The following ZNF804B variants were observed in gnomAD, a reference collection of about 807,000 sequenced individuals.
The protein encoded by ZNF804B is zinc finger 804B.
A neutral mutation model predicts 101.4 loss-of-function variants in ZNF804B; 80 were observed. That is an observed-to-expected ratio of 0.79 (90% CI 0.66 to 0.95). The LOEUF is 0.95. ZNF804B is among the 40% of genes least tolerant of loss of function. ZNF804B has a pLI of 0.00. For synonymous variants in ZNF804B, 622 were observed against 558.8 expected, an observed-to-expected ratio of 1.11 and a Z score of -1.59; for missense variants, 1,673 against 1,561.9, an observed-to-expected ratio of 1.07 and a Z score of -1.20.
chr7:89,315,555 T>A (rs1790711933), intron 2 of ZNF804B, among the ~76,000 whole-genome samples: 1 of 152,132 alleles, frequency 6.6e-6, no homozygotes, highest in East Asian at 1.9e-4. Flanking sequence ...TTGTTTTAGT[T>A]TTGTGCTTAT....
At chr7:89,330,998 A>G (rs1026103483) in intron 3 of ZNF804B, among the ~76,000 whole-genome samples, 2 of 150,678 alleles carry the variant, frequency 1.3e-5, no homozygotes, top group African/African-American at 4.8e-5. Context: ...TAAGAAAAGT[A>G]TATATATAAT....
chr7:88,963,288 C>A (rs1793413424), intron 1 of ZNF804B, among the ~76,000 whole-genome samples: 1 of 151,228 alleles, frequency 6.6e-6, no homozygotes, highest in Non-Finnish European at 1.5e-5. Context: ...TACAGTAATC[C>A]AAACAGTGTG....
At position 89,336,563 on chromosome 7, in the gene ZNF804B, C is replaced by T. The variant is rs376233863; in HGVS notation, c.3581C>T (p.Thr1194Ile). Residue 1194 changes from threonine to isoleucine, a missense_variant, in exon 4 of 4, where the codon ACC (threonine) becomes ATC (isoleucine). Coordinates refer to ENST00000333190, the MANE Select transcript of ZNF804B (RefSeq NM_181646.5). ...CCTACTGCCTTCTCTCCGGCCTCAACCGTACAGACAGTTCCAGTTCACCAG... is the reference window on the plus strand; with the variant it reads ...CCTACTGCCTTCTCTCCGGCCTCAATCGTACAGACAGTTCCAGTTCACCAG... ...AGPTAFSPAS[T>I]VQTVPVHQHT... 9 of 1,613,994 alleles carry T rather than the reference C, an allele frequency of 5.6e-6. No individual in the cohort carries two copies. The African/African-American group carries it at 6.7e-5, about 12-fold the overall frequency.
At chr7:88,795,826 G>A (rs978874226) in intron 1 of ZNF804B, 4 of 152,020 alleles carry the variant, frequency 2.6e-5, no homozygotes, top group Non-Finnish European at 2.9e-5. Flanking sequence ...TTCTTAATAC[G>A]GGTATCTCGA....
At chr7:89,120,816 G>GA (rs1391429071) in intron 1 of ZNF804B, among the ~76,000 whole-genome samples, 13 of 152,076 alleles carry the variant, frequency 8.5e-5, no homozygotes, top group Non-Finnish European at 2.9e-5. Flanking sequence ...GTTTGCAAAA[G>GA]AAAATAATAG....
chr7:89,177,709 AT>A (rs1791342581), intron 1 of ZNF804B, among the ~76,000 whole-genome samples: 1 of 152,100 alleles, frequency 6.6e-6, no homozygotes, highest in African/African-American at 2.4e-5. Context: ...GGGGTGTTGA[AT>A]TCTCCAGCTA....
At chr7:88,863,419 G>A (rs1360779075) in intron 1 of ZNF804B, among the ~76,000 whole-genome samples, 6 of 152,032 alleles carry the variant, frequency 3.9e-5, no homozygotes, top group South Asian at 2.1e-4. Context: ...CATTGAACAG[G>A]TATTTATTGA....
At chr7:88,858,999 T>C (rs115901445) in intron 1 of ZNF804B, among the ~76,000 whole-genome samples, 2,479 of 152,194 alleles carry the variant, frequency 0.016, 50 homozygotes, top group African/African-American at 0.041. Context: ...TAGGAATGGA[T>C]ATATAAATGA....
At chr7:88,800,543 C>T (rs1790561770) in intron 1 of ZNF804B, among the ~76,000 whole-genome samples, 1 of 151,858 alleles carries the variant, frequency 6.6e-6, no homozygotes, top group South Asian at 2.1e-4. Flanking sequence ...TCTTAAGATC[C>T]CCATGACTAT....
At chr7:89,308,433 A>G (rs1184068860) in intron 2 of ZNF804B, among the ~76,000 whole-genome samples, 1 of 152,192 alleles carries the variant, frequency 6.6e-6, no homozygotes, top group Non-Finnish European at 1.5e-5. Context: ...AGTTGGGAAT[A>G]TAAAGGCTAA....
intron 2 of ZNF804B, among the ~76,000 whole-genome samples, chr7:89,236,769 C>T (rs1789288959): frequency 6.6e-6 from 1 of 152,074 alleles, no homozygotes; most frequent in Non-Finnish European, 1.5e-5. Flanking sequence ...GAACATGGCT[C>T]ATCTCGCTGT....
intron 3 of ZNF804B, 98 bp from the exon 4 acceptor site, chr7:89,333,265 G>A (rs1791014355): frequency 8.3e-7 from 1 of 1,203,456 alleles, no homozygotes; most frequent in Non-Finnish European, 1.1e-6. Flanking sequence ...CTCATAAAAT[G>A]TAAAATAACT....
At chr7:88,801,520 T>A (rs1160516838) in intron 1 of ZNF804B, among the ~76,000 whole-genome samples, 1 of 152,100 alleles carries the variant, frequency 6.6e-6, no homozygotes, top group Non-Finnish European at 1.5e-5. Flanking sequence ...AGTTGGCAAG[T>A]GATCCCTCTT....
rs969241255 is a variant in ZNF804B at position 88,835,353 on chromosome 7, A to C, written c.108+75269A>C. On this transcript the variant is annotated intron_variant, in intron 1 of 3. Transcript: ENST00000333190. Reference sequence around the variant, plus strand: ...TATTGAATTTTAATCCCCGTCAAAAAAGGGGAACCAGGCCTTCTTAGAGAT... The same window carrying C: ...TATTGAATTTTAATCCCCGTCAAAACAGGGGAACCAGGCCTTCTTAGAGAT... 2.6e-5 allele frequency among the ~76,000 whole-genome samples: 4 copies of C among 151,876 alleles called. No homozygotes were observed. In the Admixed American group the frequency reaches 2.6e-4, roughly 10 times the overall value.
intron 1 of ZNF804B, among the ~76,000 whole-genome samples, chr7:88,963,585 A>G (rs935425781): frequency 6.6e-6 from 1 of 151,418 alleles, no homozygotes; most frequent in African/African-American, 2.4e-5. Flanking sequence ...AGAAGAAAAC[A>G]TGGGGCAAAA....
chr7:88,993,570 TTA>T (rs566555306), intron 1 of ZNF804B, among the ~76,000 whole-genome samples: 200 of 152,140 alleles, frequency 1.3e-3, no homozygotes, highest in Admixed American at 2.2e-3. Flanking sequence ...AATGCTAGAA[TTA>T]TCCTCTTCCA....
At chr7:89,047,484 C>G (rs1028652653) in intron 1 of ZNF804B, among the ~76,000 whole-genome samples, 1 of 152,084 alleles carries the variant, frequency 6.6e-6, no homozygotes, top group Non-Finnish European at 1.5e-5. Context: ...AATATTGCAG[C>G]CTTCAGGGTT....
At chr7:88,805,853 T>G (rs1446952827) in intron 1 of ZNF804B, among the ~76,000 whole-genome samples, 1 of 152,164 alleles carries the variant, frequency 6.6e-6, no homozygotes, top group Non-Finnish European at 1.5e-5. Flanking sequence ...GTGCCACTGT[T>G]GGCCTCATGG....
chr7:88,824,997 C>T lies in ZNF804B; in HGVS notation c.108+64913C>T, dbSNP rs17164570. ...ATCCAAATGATCCTGGCTTTGAAAA[C>T]GGCCTTAGAAACTTCTAAGCCTAAA... On this transcript the variant is annotated intron_variant, in intron 1 of 3. Transcript: ENST00000333190. Among the ~76,000 whole-genome samples the T allele has an allele frequency of 2.9e-4, 44 of 152,210 alleles. No individual in the cohort carries two copies. The East Asian group carries it at 7.0e-3, about 24-fold the overall frequency.
Sources: allele counts gnomAD v4.1 joint callset (sites outside exome capture counted in the v4.1 genomes callset), GRCh38; gene constraint gnomAD v4.1.1; transcripts MANE v1.5; gene names NCBI Gene and HGNC (gene_info 2026-07-23, HGNC 2026-07-21).